The following CHST8 variants were observed in gnomAD, a reference collection of about 807,000 sequenced individuals.
CHST8 encodes the protein GALNAC-4-ST1.
Under a neutral mutation model 15.0 loss-of-function variants are expected in CHST8, and 10 were observed. The ratio of observed to expected loss-of-function variants is 0.67; its 90% CI spans 0.41 to 1.13. The LOEUF is 1.13. Among genes scored for constraint, CHST8 ranks in the 50% most tolerant of loss-of-function variants. The probability of loss-of-function intolerance (pLI) is 0.00; values close to 1 mark genes in which losing one functional copy is unlikely to be tolerated. For synonymous variants in CHST8, 259 were observed against 256.6 expected, an observed-to-expected ratio of 1.01 and a Z score of -0.09; for missense variants, 634 against 608.2, an observed-to-expected ratio of 1.04 and a Z score of -0.45.
chr19:33,659,908 G>A (rs1972564504), intron 1 of CHST8, among the ~76,000 whole-genome samples: 1 of 152,232 alleles, frequency 6.6e-6, no homozygotes, highest in Non-Finnish European at 1.5e-5. Context: ...AGACTTGGAA[G>A]CTATGTTGTG....
chr19:33,655,256 C>G (rs925326548), intron 1 of CHST8, among the ~76,000 whole-genome samples: 16 of 152,254 alleles, frequency 1.1e-4, no homozygotes, highest in African/African-American at 3.9e-4. Context: ...AGGCTGGTCT[C>G]GAACTCCTAA....
intron 3 of CHST8, among the ~76,000 whole-genome samples, chr19:33,740,951 A>T (rs960752432): frequency 1.3e-5 from 2 of 152,222 alleles, no homozygotes; most frequent in African/African-American, 4.8e-5. Context: ...CCCAGAGAAC[A>T]GAACCTGGAG....
intron 3 of CHST8, among the ~76,000 whole-genome samples, chr19:33,707,650 G>A (rs922581310): frequency 9.9e-5 from 15 of 152,252 alleles, no homozygotes; most frequent in African/African-American, 3.4e-4. Flanking sequence ...CGGTTGATCT[G>A]TTCACCAGCT....
intron 1 of CHST8, among the ~76,000 whole-genome samples, chr19:33,650,521 T>TTC (rs1168160170): frequency 0.014 from 855 of 62,390 alleles, 123 homozygotes; most frequent in African/African-American, 0.067. Flanking sequence ...TTCTTTTCTT[T>TTC]TTTTTTTTTT....
intron 3 of CHST8, among the ~76,000 whole-genome samples, chr19:33,734,899 A>AT (rs1974055977): frequency 6.6e-6 from 1 of 152,170 alleles, no homozygotes; most frequent in Admixed American, 6.5e-5. Flanking sequence ...TCCCTGAAAC[A>AT]TCCCCTGACC....
chr19:33,681,623 A>C (rs1038679309), intron 2 of CHST8, among the ~76,000 whole-genome samples: 1 of 152,182 alleles, frequency 6.6e-6, no homozygotes, highest in Non-Finnish European at 1.5e-5. Context: ...GAAATTCACA[A>C]GGTGCCTCCC....
rs981705794 is a variant in CHST8 at position 33,661,493 on chromosome 19, C to T, written c.-163-6274C>T. ...TTCTGTAAGCAAAGCTCCGCACTCA[C>T]GGAGCCCCTCTGTCTTTCCCCATGG... On this transcript the variant is annotated intron_variant, in intron 1 of 4. Transcript: ENST00000650847. Among the ~76,000 whole-genome samples, 28 of 152,320 alleles carry T rather than the reference C, an allele frequency of 1.8e-4. No individual in the cohort carries two copies. The East Asian group carries it at 3.1e-3, about 17-fold the overall frequency.
At chr19:33,690,806 C>T (rs1973087316) in intron 3 of CHST8, among the ~76,000 whole-genome samples, 1 of 152,218 alleles carries the variant, frequency 6.6e-6, no homozygotes, top group Admixed American at 6.5e-5. Context: ...CAGAACAGGG[C>T]CCCTCGGGAC....
intron 3 of CHST8, among the ~76,000 whole-genome samples, chr19:33,703,170 T>G (rs1334794241): frequency 6.6e-6 from 1 of 152,168 alleles, no homozygotes; most frequent in Non-Finnish European, 1.5e-5. Flanking sequence ...AGGGGGCCCT[T>G]TGCCCGGCTC....
chr19:33,710,145 A>T (rs1248493711), intron 3 of CHST8, among the ~76,000 whole-genome samples: 2 of 152,222 alleles, frequency 1.3e-5, no homozygotes, highest in African/African-American at 4.8e-5. Flanking sequence ...TTAGCATAAC[A>T]GTGTTCATAG....
At chr19:33,660,790 C>T (rs1479682151) in intron 1 of CHST8, among the ~76,000 whole-genome samples, 3 of 152,230 alleles carry the variant, frequency 2.0e-5, no homozygotes, top group African/African-American at 4.8e-5. Flanking sequence ...CGGTTGTCAA[C>T]AGCCAGTGCC....
At chr19:33,756,613 A>G (rs1336643118) in intron 3 of CHST8, among the ~76,000 whole-genome samples, 1 of 152,052 alleles carries the variant, frequency 6.6e-6, no homozygotes, top group African/African-American at 2.4e-5. Context: ...CCCCTGACTC[A>G]CCAAACCCTC....
chr19:33,633,503 C>G (rs766789486), intron 1 of CHST8, among the ~76,000 whole-genome samples: 1 of 151,764 alleles, frequency 6.6e-6, no homozygotes. Flanking sequence ...GCCAGCCTCC[C>G]GCCTCAGCCT....
rs556615492 is a variant in CHST8, at chr19:33,659,354, C to T, written c.-163-8413C>T. Among the ~76,000 whole-genome samples, 4 of 152,186 alleles carry T rather than the reference C, an allele frequency of 2.6e-5. 1 individual carries two copies. In the South Asian group the frequency reaches 8.3e-4, roughly 32 times the overall value. Reference sequence around the variant, plus strand: ...TGCTGGGATTACAGGTGTGAGCCACCCCAACCAGCCAGGTAATGACTTCTA... The same window carrying T: ...TGCTGGGATTACAGGTGTGAGCCACTCCAACCAGCCAGGTAATGACTTCTA... On this transcript the variant is annotated intron_variant, in intron 1 of 4. Coordinates refer to ENST00000650847, the MANE Select transcript of CHST8 (RefSeq NM_001127895.2).
At chr19:33,745,056 T>A (rs535189168) in intron 3 of CHST8, among the ~76,000 whole-genome samples, 1 of 152,242 alleles carries the variant, frequency 6.6e-6, no homozygotes, top group Admixed American at 6.5e-5. Context: ...CTAATTTATT[T>A]TTATTTTGTG....
rs76791072 is a variant in CHST8, at chr19:33,683,429, G to A, written c.-86-5747G>A. On this transcript the variant is annotated intron_variant, in intron 2 of 4. Coordinates refer to ENST00000650847, the MANE Select transcript of CHST8 (RefSeq NM_001127895.2). ...GAGGCAAAAGTGAGGTCCTGGTGGCGAGCGGGCCTCGGGTATTTCAAGCTT... is the reference window on the plus strand; with the variant it reads ...GAGGCAAAAGTGAGGTCCTGGTGGCAAGCGGGCCTCGGGTATTTCAAGCTT... 9.2e-3 allele frequency among the ~76,000 whole-genome samples: 1,408 copies of A among 152,256 alleles called. 18 individuals are homozygous for A. Among genetic ancestry groups the A allele is most frequent in the African/African-American group, 0.031 (1,303 of 41,540 alleles).
chr19:33,656,047 G>A (rs1287620782), intron 1 of CHST8, among the ~76,000 whole-genome samples: 8 of 152,196 alleles, frequency 5.3e-5, no homozygotes, highest in East Asian at 1.9e-4. Flanking sequence ...GCCACATTCC[G>A]TAAGTTTTGG....
intron 3 of CHST8, among the ~76,000 whole-genome samples, chr19:33,746,854 C>T (rs1281162111): frequency 6.6e-6 from 1 of 151,874 alleles, no homozygotes; most frequent in Non-Finnish European, 1.5e-5. Context: ...TTTATTTTTC[C>T]ATAAGATGCT....
intron 2 of CHST8, among the ~76,000 whole-genome samples, chr19:33,672,492 C>T (rs1972751269): frequency 6.6e-6 from 1 of 152,196 alleles, no homozygotes; most frequent in African/African-American, 2.4e-5. Flanking sequence ...AGCCCCTGTG[C>T]CTGGCCCCCA....
Sources: gnomAD v4.1 joint callset for allele counts (sites outside exome capture counted in the v4.1 genomes callset) on GRCh38, gnomAD v4.1.1 for gene constraint, MANE v1.5 for transcripts, NCBI Gene and HGNC (gene_info 2026-07-23, HGNC 2026-07-21) for gene names.